Variants in PSD3 observed in about 807,000 individuals in gnomAD.
PSD3 encodes PH and SEC7 domain-containing protein 3.
Under a neutral mutation model 105.5 loss-of-function variants are expected in PSD3, and 49 were observed. That is an observed-to-expected ratio of 0.46 (90% CI 0.37 to 0.59). The LOEUF (loss-of-function observed/expected upper bound fraction) is 0.59. PSD3 is among the 20% of genes least tolerant of loss of function. The pLI, the probability that PSD3 is intolerant of heterozygous loss-of-function variation, is 0.00. For missense variants in PSD3, 1,561 were observed against 1,263.8 expected (o/e 1.24, Z -3.57); for synonymous variants, 557 against 457.8 (o/e 1.22, Z -2.77).
chr8:18,851,816 G>C (rs546183512), intron 4 of PSD3, among the ~76,000 whole-genome samples: 1 of 152,366 alleles, frequency 6.6e-6, no homozygotes, highest in South Asian at 2.1e-4. Context: ...TGCCTTGTGA[G>C]GATAGACTAG....
At chr8:18,773,157 T>C (rs1330266229) in intron 8 of PSD3, among the ~76,000 whole-genome samples, 5 of 152,206 alleles carry the variant, frequency 3.3e-5, no homozygotes, top group African/African-American at 4.8e-5. Flanking sequence ...CAGGATTACA[T>C]TTAGGTCTTT....
intron 15 of PSD3, among the ~76,000 whole-genome samples, chr8:18,544,857 G>A (rs1800363682): frequency 6.6e-6 from 1 of 152,054 alleles, no homozygotes; most frequent in South Asian, 2.1e-4. Flanking sequence ...GTGCCCCTAC[G>A]GAGTTTCCTG....
chr8:18,883,913 T>C (rs939625208), intron 2 of PSD3, among the ~76,000 whole-genome samples: 1 of 152,224 alleles, frequency 6.6e-6, no homozygotes, highest in African/African-American at 2.4e-5. Context: ...ACATCTTTGG[T>C]GTTCTCTGTT....
chr8:18,978,229 G>T (rs111595754), intron 1 of PSD3, among the ~76,000 whole-genome samples: 1 of 152,230 alleles, frequency 6.6e-6, no homozygotes, highest in African/African-American at 2.4e-5. Flanking sequence ...AACACTGCAC[G>T]TCCACACGCT....
intron 2 of PSD3, among the ~76,000 whole-genome samples, chr8:18,921,243 C>G (rs1262515357): frequency 2.0e-5 from 3 of 152,182 alleles, no homozygotes; most frequent in Non-Finnish European, 4.4e-5. Flanking sequence ...TAAAATATAT[C>G]AAACTACAGT....
intron 1 of PSD3, among the ~76,000 whole-genome samples, chr8:19,067,852 G>A (rs1318266488): frequency 2.0e-5 from 3 of 152,198 alleles, no homozygotes; most frequent in Non-Finnish European, 4.4e-5. Flanking sequence ...CACCTTGGAG[G>A]AATGTTCCTG....
At chr8:18,958,521 A>C (rs1393322929) in intron 1 of PSD3, among the ~76,000 whole-genome samples, 1 of 152,218 alleles carries the variant, frequency 6.6e-6, no homozygotes, top group African/African-American at 2.4e-5. Context: ...ACAATGAAAA[A>C]TGCAGGTCAA....
intron 2 of PSD3, among the ~76,000 whole-genome samples, chr8:18,890,849 T>C (rs1293510782): frequency 6.6e-6 from 1 of 151,772 alleles, no homozygotes; most frequent in Non-Finnish European, 1.5e-5. Context: ...AGAAAAGGGG[T>C]CGAGTGGCAG....
At chr8:18,775,105 T>C (rs1021863045) in intron 8 of PSD3, among the ~76,000 whole-genome samples, 4 of 151,912 alleles carry the variant, frequency 2.6e-5, no homozygotes, top group African/African-American at 9.7e-5. Context: ...AGAAAGAACA[T>C]GTGGTATTTG....
intron 2 of PSD3, among the ~76,000 whole-genome samples, chr8:18,874,625 C>A (rs1461842520): frequency 2.0e-5 from 3 of 148,964 alleles, no homozygotes; most frequent in African/African-American, 7.5e-5. Context: ...ATCATTTGAA[C>A]CTGGGAGGCA....
Position 19,013,594 on chromosome 8 carries a change from C to T in PSD3, c.-11G>A, listed in dbSNP as rs1274610703. 6.7e-7 allele frequency: 1 copy of T among 1,486,178 alleles called. No individual in the cohort carries two copies. The highest frequency in any genetic ancestry group is 2.3e-5 in the Admixed American group (1 of 43,444). 92.1% of individuals were successfully genotyped at this position (1,486,178 alleles called of 1,614,324 possible). A position where few individuals can be genotyped will look rare whatever the true frequency, so the allele number is the denominator to read the frequency against. On this transcript the variant is annotated 5_prime_UTR_variant, in exon 1 of 16. Coordinates refer to ENST00000327040, the MANE Select transcript of PSD3 (RefSeq NM_015310.4). The stretch of plus-strand genomic sequence containing the variant: ...GCTCCTTCCTTCCATCTTCCATCGC[C>T]AGCCCGGCCGCGCGCCGAAACCGCC...
chr8:19,041,071 GT>G (rs1178914824), intron 1 of PSD3, among the ~76,000 whole-genome samples: 1 of 151,800 alleles, frequency 6.6e-6, no homozygotes, highest in African/African-American at 2.4e-5. Flanking sequence ...TTTTAAATGT[GT>G]TTTTTATAGA....
At chr8:18,730,637 C>T (rs1803677315) in intron 9 of PSD3, among the ~76,000 whole-genome samples, 1 of 152,182 alleles carries the variant, frequency 6.6e-6, no homozygotes, top group Admixed American at 6.5e-5. Context: ...ATACTGTACG[C>T]TATACACTGT....
rs759267101 is a variant in PSD3 at position 18,867,882 on chromosome 8, T to C, written c.1426A>G (p.Met476Val). The C allele has an allele frequency of 6.2e-7, 1 of 1,614,152 alleles. No homozygotes were observed. The highest frequency in any genetic ancestry group is 1.1e-5 in the South Asian group (1 of 91,088). Residue 476 changes from methionine (M) to valine (V), a missense_variant, in exon 4 of 16, where the codon ATG (methionine) becomes GTG (valine). Coordinates refer to ENST00000327040, the MANE Select transcript of PSD3 (RefSeq NM_015310.4). ...SEPDSYFSFE[M>V]PLTPMIQQRI... ...TGTTGTATCATTGGAGTGAGGGGCA[T>C]TTCAAAGCTAAAATAGCTATCAGGC...
intron 2 of PSD3, among the ~76,000 whole-genome samples, chr8:18,930,730 T>C (rs1395883082): frequency 1.3e-5 from 2 of 152,090 alleles, no homozygotes; most frequent in Middle Eastern, 3.4e-3. Context: ...CAACCACACC[T>C]AGCTATTTTT....
rs145640691 is a variant in PSD3, at chr8:18,589,199, G to A, written c.2481+11165C>T. 5.5e-4 allele frequency among the ~76,000 whole-genome samples: 84 copies of A among 152,216 alleles called. 2 individuals carry two copies. Among genetic ancestry groups the A allele is most frequent in the African/African-American group, 2.0e-3 (83 of 41,528 alleles). On this transcript the variant is annotated intron_variant, in intron 12 of 15. Transcript: ENST00000327040. ...TGACTTATAAACTAGAAGCTTATAG[G>A]ACTCCACAGGAAAACAAGCTTATAG... is the stretch of plus-strand genomic sequence containing the variant.
chr8:18,831,101 G>C (rs935874700), intron 4 of PSD3, among the ~76,000 whole-genome samples: 13 of 152,192 alleles, frequency 8.5e-5, no homozygotes, highest in African/African-American at 3.1e-4. Context: ...GCCTCAGTTT[G>C]CCCATCTATA....
chr8:18,681,164 T>G (rs542550355), intron 9 of PSD3, among the ~76,000 whole-genome samples: 1 of 151,934 alleles, frequency 6.6e-6, no homozygotes, highest in South Asian at 2.1e-4. Context: ...GAACCACGAG[T>G]TAATGGTATC....
intron 4 of PSD3, among the ~76,000 whole-genome samples, chr8:18,840,889 C>T (rs1480865716): frequency 6.6e-6 from 1 of 152,132 alleles, no homozygotes; most frequent in Non-Finnish European, 1.5e-5. Context: ...TGACATTGGG[C>T]AAGTTGTCTT....
Sources: allele counts gnomAD v4.1 joint callset (sites outside exome capture counted in the v4.1 genomes callset), GRCh38; gene constraint gnomAD v4.1.1; transcripts MANE v1.5; gene names NCBI Gene and HGNC (gene_info 2026-07-23, HGNC 2026-07-21).